The following FOXP2 variants were observed in gnomAD, a reference collection of about 807,000 sequenced individuals.
FOXP2 encodes forkhead box P2.
FOXP2 carries 12 observed loss-of-function variants against 115.8 expected under a neutral mutation model. That is an observed-to-expected ratio of 0.10 (90% CI 0.07 to 0.17). The LOEUF is 0.17. Among genes scored for constraint, FOXP2 ranks in the 10% least tolerant of loss-of-function variants. FOXP2 has a pLI of 1.00. For synonymous variants in FOXP2, 328 were observed against 297.7 expected, an observed-to-expected ratio of 1.10 and a Z score of -1.05; for missense variants, 629 against 843.5, an observed-to-expected ratio of 0.75 and a Z score of 3.15.
At chr7:114,460,581 T>C (rs1233644429) in intron 2 of FOXP2, among the ~76,000 whole-genome samples, 1 of 152,224 alleles carries the variant, frequency 6.6e-6, no homozygotes, top group East Asian at 1.9e-4. Context: ...ATACTAATTA[T>C]ATAATCTTGA....
chr7:114,518,298 A>G (rs1460001432), intron 2 of FOXP2, among the ~76,000 whole-genome samples: 2 of 152,186 alleles, frequency 1.3e-5, no homozygotes, highest in Non-Finnish European at 2.9e-5. Context: ...TGTTTTAATA[A>G]TATTCAATGA....
chr7:114,449,826 A>G (rs535318348), intron 2 of FOXP2, among the ~76,000 whole-genome samples: 1 of 152,236 alleles, frequency 6.6e-6, no homozygotes, highest in South Asian at 2.1e-4. Flanking sequence ...TGAAATAAGT[A>G]AACCTAGATT....
intron 1 of FOXP2, among the ~76,000 whole-genome samples, chr7:114,264,456 A>G (rs746765367): frequency 6.6e-6 from 1 of 152,140 alleles, no homozygotes; most frequent in Non-Finnish European, 1.5e-5. Context: ...TCCCACCCCT[A>G]TTTAAACAAC....
chr7:114,116,587 CCAATT>C (rs1791413153), intron 1 of FOXP2, among the ~76,000 whole-genome samples: 1 of 151,618 alleles, frequency 6.6e-6, no homozygotes, highest in African/African-American at 2.4e-5. Flanking sequence ...AAGATTGACT[CCAATT>C]CAAGAAAATA....
At position 114,612,448 on chromosome 7, in the gene FOXP2, T is replaced by C. The variant is rs573374384; in HGVS notation, c.259-16092T>C. Among the ~76,000 whole-genome samples, 3 of 152,198 alleles carry C rather than the reference T, an allele frequency of 2.0e-5. No individual in the cohort carries two copies. In the East Asian group the frequency reaches 5.8e-4, roughly 29 times the overall value. On this transcript the variant is annotated intron_variant, in intron 3 of 16. Coordinates refer to ENST00000350908, the MANE Select transcript of FOXP2 (RefSeq NM_014491.4). ...ATACACACACACACACATATATATA[T>C]AGTCCTCCCTAAGGGAATGAATAAA...
At chr7:114,672,208 T>G (rs1181533366) in intron 16 of FOXP2, among the ~76,000 whole-genome samples, 1 of 152,198 alleles carries the variant, frequency 6.6e-6, no homozygotes, top group African/African-American at 2.4e-5. Context: ...AAAAAATGTA[T>G]ATTTGCAACA....
intron 3 of FOXP2, among the ~76,000 whole-genome samples, chr7:114,582,216 A>AC (rs1719543320): frequency 6.6e-6 from 1 of 152,218 alleles, no homozygotes; most frequent in Non-Finnish European, 1.5e-5. Context: ...TAAAAAGAAT[A>AC]GAAACCCACT....
At chr7:114,187,872 A>G (rs938753094) in intron 1 of FOXP2, among the ~76,000 whole-genome samples, 2 of 152,172 alleles carry the variant, frequency 1.3e-5, no homozygotes, top group Non-Finnish European at 2.9e-5. Context: ...TTGCAGCATC[A>G]TCACATGGCA....
intron 1 of FOXP2, among the ~76,000 whole-genome samples, chr7:114,209,024 T>C (rs1794274872): frequency 1.3e-5 from 2 of 152,234 alleles, no homozygotes; most frequent in African/African-American, 4.8e-5. Context: ...ATGGTTTGGC[T>C]GTGTTCTCAC....
intron 1 of FOXP2, among the ~76,000 whole-genome samples, chr7:114,265,058 C>T (rs1795862517): frequency 1.3e-5 from 2 of 152,098 alleles, no homozygotes; most frequent in African/African-American, 4.8e-5. Flanking sequence ...TGCCCCGGCC[C>T]CTCCCAAATC....
At chr7:114,091,019 A>T (rs751581744) in intron 1 of FOXP2, among the ~76,000 whole-genome samples, 20 of 151,954 alleles carry the variant, frequency 1.3e-4, no homozygotes, top group Non-Finnish European at 2.5e-4. Flanking sequence ...TTATTATTGA[A>T]TAACAGAAAT....
intron 1 of FOXP2, among the ~76,000 whole-genome samples, chr7:114,190,118 C>G (rs1040741996): frequency 6.6e-6 from 1 of 152,192 alleles, no homozygotes. Context: ...CTCTTTCTAT[C>G]TTTCTCACTG....
intron 1 of FOXP2, among the ~76,000 whole-genome samples, chr7:114,088,650 G>T (rs893957227): frequency 9.9e-5 from 15 of 152,228 alleles, no homozygotes; most frequent in Non-Finnish European, 5.9e-5. Flanking sequence ...CTGAAGTAAA[G>T]ATGAGCTTTC....
chr7:114,212,171 T>C (rs1794374774), intron 1 of FOXP2, among the ~76,000 whole-genome samples: 1 of 151,440 alleles, frequency 6.6e-6, no homozygotes, highest in African/African-American at 2.4e-5. Context: ...TGGAGATTAG[T>C]GCAGACAGGA....
At chr7:114,560,192 C>T (rs1800695101) in intron 3 of FOXP2, among the ~76,000 whole-genome samples, 1 of 152,090 alleles carries the variant, frequency 6.6e-6, no homozygotes, top group Non-Finnish European at 1.5e-5. Flanking sequence ...TGCTGTGTTG[C>T]TATCTTGTAT....
At chr7:114,453,930 G>A (rs1054880960) in intron 2 of FOXP2, among the ~76,000 whole-genome samples, 4 of 152,090 alleles carry the variant, frequency 2.6e-5, no homozygotes, top group Non-Finnish European at 5.9e-5. Context: ...AGAAAACCTA[G>A]GCATTACCAT....
chr7:114,101,899 T>TTGTGTGTGTGTGTG (rs5886693), intron 1 of FOXP2, among the ~76,000 whole-genome samples: 35 of 142,518 alleles, frequency 2.5e-4, no homozygotes, highest in Admixed American at 6.4e-4. Context: ...CTTCAACATT[T>TTGTGTGTGTGTGTG]TGTGTGTGTG....
At chr7:114,281,260 C>T (rs1796331156) in intron 1 of FOXP2, among the ~76,000 whole-genome samples, 1 of 151,630 alleles carries the variant, frequency 6.6e-6, no homozygotes, top group Non-Finnish European at 1.5e-5. Context: ...TGCTACCATG[C>T]CCGGCTAATT....
chr7:114,263,115 C>T (rs1003339318), intron 1 of FOXP2, among the ~76,000 whole-genome samples: 2 of 152,170 alleles, frequency 1.3e-5, no homozygotes, highest in African/African-American at 4.8e-5. Flanking sequence ...TGAAACCTTG[C>T]TCCATTGTCA....
Sources: gnomAD v4.1 joint callset for allele counts (sites outside exome capture counted in the v4.1 genomes callset) on GRCh38, gnomAD v4.1.1 for gene constraint, MANE v1.5 for transcripts, NCBI Gene and HGNC (gene_info 2026-07-23, HGNC 2026-07-21) for gene names.